Variants in UGGT1 observed in about 807,000 individuals in gnomAD.
UGGT1 encodes the protein UDP-glucose:glycoprotein glucosyltransferase 1.
A neutral mutation model predicts 203.9 loss-of-function variants in UGGT1; 107 were observed. The observed-to-expected ratio is 0.52, with a 90% confidence interval of 0.45 to 0.62. The LOEUF (loss-of-function observed/expected upper bound fraction) is 0.62. UGGT1 is among the 20% of genes least tolerant of loss of function. UGGT1 has a pLI of 0.00. For missense variants in UGGT1, 1,673 were observed against 1,867.2 expected, an observed-to-expected ratio of 0.90 and a Z score of 1.92; for synonymous variants, 628 against 653.5, an observed-to-expected ratio of 0.96 and a Z score of 0.59.
intron 2 of UGGT1, among the ~76,000 whole-genome samples, chr2:128,101,498 AATATT>A (rs1360050499): frequency 6.6e-6 from 1 of 152,210 alleles, no homozygotes; most frequent in African/African-American, 2.4e-5. Context: ...TAGCTACAGA[AATATT>A]ATATAAGGAG....
rs774333402 is a variant in UGGT1, at chr2:128,097,422, C to G, written c.59-7C>G. The G allele has an allele frequency of 6.3e-7, 1 of 1,589,100 alleles. No individual in the cohort carries two copies. Among genetic ancestry groups the G allele is most frequent in the Non-Finnish European group, 8.5e-7 (1 of 1,173,052 alleles). On this transcript the variant is annotated splice_region_variant and splice_polypyrimidine_tract_variant and intron_variant, in intron 1 of 40. Transcript: ENST00000259253. ...TAGCAAAACTTCTTTTCTTTTTTTC[C>G]TTTTAGGAGTTTGCTATAAAATGGG...
intron 17 of UGGT1, 109 bp from the exon 18 acceptor site, chr2:128,145,694 A>C: frequency 1.0e-6 from 1 of 994,386 alleles, no homozygotes; most frequent in Non-Finnish European, 1.4e-6. Context: ...TTTCTTTACA[A>C]TATTTCTATT....
rs1305193187 is a variant in UGGT1 at position 128,170,273 on chromosome 2, C to T, written c.2922-15C>T. 1 of 1,612,492 alleles carries T rather than the reference C, an allele frequency of 6.2e-7. No homozygotes were observed. The highest frequency in any genetic ancestry group is 1.3e-5 in the African/African-American group (1 of 74,966). On this transcript the variant is annotated splice_polypyrimidine_tract_variant and intron_variant, in intron 26 of 40. Coordinates refer to ENST00000259253, the MANE Select transcript of UGGT1 (RefSeq NM_020120.4). ...GTGTCCTCCAGGTTAATGTTTTATC[C>T]TTGTGATCTTTCAGTGCAATCAAAC...
chr2:128,192,539 T>C lies in UGGT1; in HGVS notation c.*2797T>C, dbSNP rs1281689931. The C allele has an allele frequency of 6.6e-6, 1 of 152,160 alleles. No homozygotes were observed. The highest frequency in any genetic ancestry group is 1.5e-5 in the Non-Finnish European group (1 of 68,034). The allele number at this position is 152,160 out of a possible 1,614,324, so 9.4% of individuals were successfully genotyped here. A position where few individuals can be genotyped will look rare whatever the true frequency, so the allele number is the denominator to read the frequency against. Reference sequence around the variant, plus strand: ...ATGCCATAGTGGAGACTTTTGTTTGTGAGTAAGTGACAGAGTAATATGAAA... The same window carrying C: ...ATGCCATAGTGGAGACTTTTGTTTGCGAGTAAGTGACAGAGTAATATGAAA... On this transcript the variant is annotated 3_prime_UTR_variant, in exon 41 of 41. Transcript: ENST00000259253.
At chr2:128,093,305 C>T (rs1311698008) in intron 1 of UGGT1, among the ~76,000 whole-genome samples, 1 of 152,176 alleles carries the variant, frequency 6.6e-6, no homozygotes, top group Non-Finnish European at 1.5e-5. Context: ...AGCATCTTCA[C>T]TCTTGGTGCC....
At chr2:128,096,635 T>G (rs546008234) in intron 1 of UGGT1, among the ~76,000 whole-genome samples, 3 of 152,348 alleles carry the variant, frequency 2.0e-5, no homozygotes, top group Admixed American at 6.5e-5. Context: ...CCTAATAACC[T>G]TGTTTTAACT....
intron 10 of UGGT1, among the ~76,000 whole-genome samples, chr2:128,121,567 A>C (rs902170816): frequency 6.6e-6 from 1 of 152,022 alleles, no homozygotes; most frequent in Non-Finnish European, 1.5e-5. Flanking sequence ...CACCATGCCC[A>C]GCTAAGTTTT....
At position 128,178,506 on chromosome 2, in the gene UGGT1, A is replaced by G. The variant is rs759918322; in HGVS notation, c.3752A>G (p.Asp1251Gly). 5.6e-6 allele frequency: 9 copies of G among 1,613,940 alleles called. No homozygotes were observed. The highest frequency in any genetic ancestry group is 5.0e-5 in the Admixed American group (3 of 60,022). The change falls in exon 34 of 41, where the codon GAT becomes GGT. Residue 1251 changes from aspartate to glycine, a missense_variant. Asp to Gly is a moderately conservative substitution (Grantham distance 94). Transcript: ENST00000259253. ...TGQKTEEVKQ[D>G]KDDIINIFSV... ...CAGAAGACTGAGGAAGTGAAGCAAG[A>G]TAAAGATGACATAATTAATATTTTC...
At position 128,159,703 on chromosome 2, in the gene UGGT1, G is replaced by T. The variant is rs141470228; in HGVS notation, c.2545G>T (p.Ala849Ser). ...GGCCCTGGCTGCAGGAGCTGACATT[G>T]CGGAGTTCTCTGTTGGGGTAAGGCT... ...AEALAAGADI[A>S]EFSVGGMDFS... The change falls in exon 23 of 41, where the codon GCG (alanine) becomes TCG (serine). Residue 849 changes from alanine to serine, a missense_variant. Physicochemically the swap from Ala to Ser is moderately conservative, Grantham distance 99. Around this residue, in one of 4 missense-constraint regions of UGGT1, gnomAD observed 1,073 missense variants for 1,078.7 expected, o/e 0.99. Coordinates refer to ENST00000259253, the MANE Select transcript of UGGT1 (RefSeq NM_020120.4). 3.9e-4 allele frequency: 625 copies of T among 1,614,098 alleles called. 5 individuals are homozygous for T. The Middle Eastern group carries it at 0.013, about 33-fold the overall frequency.
At chr2:128,109,850 A>G (rs1347440553) in intron 5 of UGGT1, 104 bp downstream of exon 5, 3 of 919,122 alleles carry the variant, frequency 3.3e-6, no homozygotes, top group South Asian at 3.0e-5. Context: ...ATTAGGTGTA[A>G]TGGTTTAGAG....
chr2:128,126,698 T>TTC (rs1311959817), intron 11 of UGGT1, among the ~76,000 whole-genome samples: 4 of 146,924 alleles, frequency 2.7e-5, no homozygotes, highest in Non-Finnish European at 6.0e-5. Flanking sequence ...TTTTTTTTTT[T>TTC]TTTTGAGACA....
chr2:128,146,740 C>G (rs1558792916), intron 18 of UGGT1, among the ~76,000 whole-genome samples: 1 of 152,166 alleles, frequency 6.6e-6, no homozygotes, highest in Non-Finnish European at 1.5e-5. Flanking sequence ...AATTACTCCT[C>G]TCCATTTTGC....
chr2:128,145,202 A>C lies in UGGT1; in HGVS notation c.1852-601A>C, dbSNP rs373200616. Among the ~76,000 whole-genome samples, 19 of 152,286 alleles carry C rather than the reference A, an allele frequency of 1.2e-4. No individual in the cohort carries two copies. The East Asian group carries it at 1.5e-3, about 12-fold the overall frequency. On this transcript the variant is annotated intron_variant, in intron 17 of 40. Coordinates refer to ENST00000259253, the MANE Select transcript of UGGT1 (RefSeq NM_020120.4). ...TATTTAGAATTGGGTGCAAATATTT[A>C]CCTCAGGCTTTTTGCATAGAGCGCT...
intron 11 of UGGT1, among the ~76,000 whole-genome samples, chr2:128,123,764 C>G (rs1170243572): frequency 1.3e-5 from 2 of 152,110 alleles, no homozygotes; most frequent in African/African-American, 2.4e-5. Flanking sequence ...GCTCTTTATG[C>G]CCAGGGCATG....
Position 128,159,660 on chromosome 2 carries a change from C to T in UGGT1, c.2502C>T (p.Ala834=). Residue 834 remains alanine, a synonymous_variant, in exon 23 of 41, where the codon GCC becomes GCT. Transcript: ENST00000259253. The part of the protein sequence containing the change: ...NAAKNFITKM[A]KEGAAEALAA... Reference sequence around the variant, plus strand: ...CTAAGAACTTCATCACCAAAATGGCCAAGGAGGGGGCTGCAGAGGCCCTGG... The same window carrying T: ...CTAAGAACTTCATCACCAAAATGGCTAAGGAGGGGGCTGCAGAGGCCCTGG... 1.2e-6 allele frequency: 2 copies of T among 1,614,056 alleles called. No homozygotes were observed. The highest frequency in any genetic ancestry group is 8.5e-7 in the Non-Finnish European group (1 of 1,180,012).
At chr2:128,100,578 G>A (rs146665137) in intron 2 of UGGT1, among the ~76,000 whole-genome samples, 1 of 135,168 alleles carries the variant, frequency 7.4e-6, no homozygotes, top group Non-Finnish European at 1.6e-5. Context: ...GGCTAATTTT[G>A]TATTTTTTTT....
chr2:128,109,790 G>A, intron 5 of UGGT1, 44 bp downstream of exon 5: 1 of 1,503,250 alleles, frequency 6.7e-7, no homozygotes, highest in Non-Finnish European at 9.3e-7. Flanking sequence ...CATTTCCAGT[G>A]CTGCTTCTGC....
intron 12 of UGGT1, among the ~76,000 whole-genome samples, chr2:128,128,621 T>C (rs2105412875): frequency 6.6e-6 from 1 of 152,346 alleles, no homozygotes; most frequent in East Asian, 1.9e-4. Flanking sequence ...CCTTCATCTC[T>C]ATCTCTTCTG....
chr2:128,118,844 A>G (rs913074398), intron 8 of UGGT1, among the ~76,000 whole-genome samples: 6 of 151,312 alleles, frequency 4.0e-5, no homozygotes, highest in East Asian at 2.0e-4. Flanking sequence ...CAGTTTTTGT[A>G]TTTGTGGTAG....
Sources: allele counts gnomAD v4.1 joint callset (sites outside exome capture counted in the v4.1 genomes callset), GRCh38; gene constraint gnomAD v4.1.1; regional missense constraint gnomAD v4.1.1; transcripts MANE v1.5; gene names NCBI Gene and HGNC (gene_info 2026-07-23, HGNC 2026-07-21).